Variants in ELMO1 observed in about 807,000 individuals in gnomAD.
ELMO1 encodes engulfment and cell motility 1.
A neutral mutation model predicts 98.9 loss-of-function variants in ELMO1; 26 were observed. That is an observed-to-expected ratio of 0.26 (90% CI 0.19 to 0.36). ELMO1 has a LOEUF of 0.36. Among genes scored for constraint, ELMO1 ranks in the 10% least tolerant of loss-of-function variants. The pLI is 1.00. For synonymous variants in ELMO1, 346 were observed against 346.0 expected (o/e 1.00, Z 0.00); for missense variants, 627 against 935.2 (o/e 0.67, Z 4.30).
intron 4 of ELMO1, among the ~76,000 whole-genome samples, chr7:37,296,964 G>A (rs896468411): frequency 3.9e-5 from 6 of 152,110 alleles, no homozygotes; most frequent in African/African-American, 1.4e-4. Flanking sequence ...AAGGACACAG[G>A]TGCAGCAGCA....
At chr7:37,180,743 A>G (rs990252682) in intron 13 of ELMO1, among the ~76,000 whole-genome samples, 11 of 152,264 alleles carry the variant, frequency 7.2e-5, no homozygotes, top group Non-Finnish European at 1.3e-4. Context: ...AGCATGCTCT[A>G]AAGTGTTTTT....
intron 13 of ELMO1, among the ~76,000 whole-genome samples, chr7:37,170,154 C>T (rs1265634070): frequency 6.6e-6 from 1 of 152,228 alleles, no homozygotes; most frequent in Admixed American, 6.5e-5. Context: ...ATCCACTCAC[C>T]TCGGCCTCCC....
At chr7:37,388,953 C>T (rs770241555) in intron 1 of ELMO1, among the ~76,000 whole-genome samples, 2 of 152,176 alleles carry the variant, frequency 1.3e-5, no homozygotes, top group Non-Finnish European at 2.9e-5. Flanking sequence ...AAAAATAAAA[C>T]CACATAATTT....
intron 14 of ELMO1, among the ~76,000 whole-genome samples, chr7:37,125,111 C>T (rs1389526742): frequency 1.3e-5 from 2 of 152,192 alleles, no homozygotes; most frequent in South Asian, 2.1e-4. Context: ...GGATCCCTTC[C>T]TTACACCTTA....
At chr7:37,277,584 GT>G (rs1433626646) in intron 4 of ELMO1, among the ~76,000 whole-genome samples, 1 of 152,208 alleles carries the variant, frequency 6.6e-6, no homozygotes, top group Non-Finnish European at 1.5e-5. Context: ...CTGATTTGCT[GT>G]TAGCAAACAT....
chr7:37,265,412 G>A (rs1266980843), intron 5 of ELMO1, among the ~76,000 whole-genome samples: 5 of 151,876 alleles, frequency 3.3e-5, no homozygotes, highest in Admixed American at 1.3e-4. Flanking sequence ...AAACAGAAAG[G>A]TAAAAACATC....
At chr7:37,228,463 T>C (rs1793986757) in intron 8 of ELMO1, among the ~76,000 whole-genome samples, 1 of 152,212 alleles carries the variant, frequency 6.6e-6, no homozygotes, top group Non-Finnish European at 1.5e-5. Flanking sequence ...CCAGCCACAG[T>C]ACAGCTTCTC....
intron 15 of ELMO1, among the ~76,000 whole-genome samples, chr7:37,040,364 T>A (rs1445489194): frequency 1.3e-5 from 2 of 152,232 alleles, no homozygotes; most frequent in Non-Finnish European, 2.9e-5. Context: ...TGTGATATTG[T>A]ACAAACAGTT....
At chr7:37,264,037 T>C (rs1202744571) in intron 5 of ELMO1, among the ~76,000 whole-genome samples, 1 of 152,186 alleles carries the variant, frequency 6.6e-6, no homozygotes, top group Non-Finnish European at 1.5e-5. Context: ...GGATGAAATA[T>C]CATATAGAAC....
chr7:37,079,268 G>C (rs1215563402), intron 15 of ELMO1, among the ~76,000 whole-genome samples: 1 of 152,138 alleles, frequency 6.6e-6, no homozygotes, highest in East Asian at 1.9e-4. Context: ...GTATCACTGT[G>C]AAGCAAAGCC....
At chr7:36,914,131 G>C (rs1408711228) in intron 16 of ELMO1, among the ~76,000 whole-genome samples, 1 of 152,190 alleles carries the variant, frequency 6.6e-6, no homozygotes, top group Non-Finnish European at 1.5e-5. Context: ...TCACAAATAA[G>C]AGCCCTGGCT....
intron 16 of ELMO1, among the ~76,000 whole-genome samples, chr7:36,984,455 A>G (rs1791346041): frequency 6.6e-6 from 1 of 152,188 alleles, no homozygotes; most frequent in Non-Finnish European, 1.5e-5. Flanking sequence ...TCTCTCCCAG[A>G]CACCCAGTCG....
At chr7:37,037,305 G>GTTATTTTCAATAC (rs1207120773) in intron 15 of ELMO1, among the ~76,000 whole-genome samples, 2 of 152,174 alleles carry the variant, frequency 1.3e-5, no homozygotes, top group Non-Finnish European at 2.9e-5. Flanking sequence ...ACGTTGTTCT[G>GTTATTTTCAATAC]TGATTTTCAA....
intron 15 of ELMO1, among the ~76,000 whole-genome samples, chr7:37,093,448 C>A (rs1463127059): frequency 6.6e-6 from 1 of 152,094 alleles, no homozygotes; most frequent in Non-Finnish European, 1.5e-5. Flanking sequence ...CTAAAGTGAC[C>A]ATGGTCTTCA....
chr7:36,971,357 A>G (rs1277962103), intron 16 of ELMO1, among the ~76,000 whole-genome samples: 1 of 152,250 alleles, frequency 6.6e-6, no homozygotes, highest in Non-Finnish European at 1.5e-5. Flanking sequence ...TCCCTTTGAA[A>G]GAGGTCTATT....
chr7:37,008,943 C>T (rs555609288), intron 16 of ELMO1, among the ~76,000 whole-genome samples: 3 of 152,268 alleles, frequency 2.0e-5, no homozygotes, highest in South Asian at 2.1e-4. Context: ...ATCTGTGGTG[C>T]GGTTGGCCGG....
intron 16 of ELMO1, chr7:36,985,019 C>T (rs868417373): frequency 1.0e-5 from 10 of 985,406 alleles, no homozygotes; most frequent in Non-Finnish European, 1.2e-5. Context: ...TAGAAGGGTC[C>T]CTACAGGCAA....
intron 21 of ELMO1, among the ~76,000 whole-genome samples, chr7:36,860,770 A>C (rs1399651086): frequency 1.3e-5 from 2 of 152,242 alleles, no homozygotes; most frequent in Non-Finnish European, 2.9e-5. Flanking sequence ...CAAGTGACAC[A>C]GAATTATATT....
At chr7:37,429,997 G>A (rs1449408602) in intron 1 of ELMO1, among the ~76,000 whole-genome samples, 3 of 152,330 alleles carry the variant, frequency 2.0e-5, no homozygotes, top group East Asian at 3.9e-4. Flanking sequence ...GCAGCTGACT[G>A]ACCTACAGAT....
Sources: gnomAD v4.1 joint callset for allele counts (sites outside exome capture counted in the v4.1 genomes callset) on GRCh38, gnomAD v4.1.1 for gene constraint, MANE v1.5 for transcripts, NCBI Gene and HGNC (gene_info 2026-07-23, HGNC 2026-07-21) for gene names.